The following USP9Y variants were observed in gnomAD, a reference collection of about 807,000 sequenced individuals.
USP9Y encodes the protein ubiquitin carboxyl-terminal hydrolase 9Y.
In USP9Y, 41 loss-of-function variants were observed where a neutral mutation model predicts 53.1. That is an observed-to-expected ratio of 0.77 (90% CI 0.60 to 1.00). The LOEUF is 1.00. Among genes scored for constraint, USP9Y ranks in the 50% least tolerant of loss-of-function variants. The pLI, the probability that USP9Y is intolerant of heterozygous loss-of-function variation, is 0.00. For synonymous variants in USP9Y, 220 were observed against 173.7 expected (o/e 1.27, Z -2.09); for missense variants, 567 against 535.8 (o/e 1.06, Z -0.58).
intron 33 of USP9Y, among the ~76,000 whole-genome samples, chrY:12,832,218 C>T (rs2053551420): frequency 3.0e-5 from 1 of 33,301 alleles, no homozygotes; most frequent in African/African-American, 1.2e-4. Context: ...AATGGTAGTA[C>T]AGCAGCCATC....
intron 42 of USP9Y, among the ~76,000 whole-genome samples, chrY:12,852,928 G>A (rs2148293271): frequency 1.8e-4 from 6 of 32,907 alleles, no homozygotes; most frequent in East Asian, 8.2e-4. Context: ...AGGGGCACCC[G>A]CCTATATGAG....
At chrY:12,751,057 G>A (rs2148283121) in intron 12 of USP9Y, among the ~76,000 whole-genome samples, 1 of 30,153 alleles carries the variant, frequency 3.3e-5, no homozygotes, top group South Asian at 7.6e-4. Context: ...GCCCAAGCTG[G>A]AGTGTAGTGG....
chrY:12,842,221 A>G lies in USP9Y; in HGVS notation c.6213-19A>G. On this transcript the variant is annotated intron_variant, in intron 37 of 45. Transcript: ENST00000338981. ...AACACATCACTAAAATTTGACGTTCATAGATGTTTCTGTTTTAGGTATGAT... is the reference window on the plus strand; with the variant it reads ...AACACATCACTAAAATTTGACGTTCGTAGATGTTTCTGTTTTAGGTATGAT... 2.6e-6 allele frequency: 1 copy of G among 391,471 alleles called. No homozygotes were observed. The highest frequency in any genetic ancestry group is 3.6e-6 in the Non-Finnish European group (1 of 276,929).
intron 3 of USP9Y, among the ~76,000 whole-genome samples, chrY:12,714,321 T>C (rs2053428704): frequency 3.1e-5 from 1 of 32,494 alleles, no homozygotes; most frequent in Non-Finnish European, 7.5e-5. Flanking sequence ...TGATCTATAC[T>C]GTATTACCTT....
At chrY:12,826,750 G>A (rs2148290671) in intron 33 of USP9Y, among the ~76,000 whole-genome samples, 1 of 28,147 alleles carries the variant, frequency 3.6e-5, no homozygotes, top group Non-Finnish European at 8.3e-5. Context: ...AAACTTTAGA[G>A]TAGTGCTAAA....
intron 19 of USP9Y, 80 bp from the exon 20 acceptor site, chrY:12,777,938 GT>G (rs1556160956): frequency 4.3e-6 from 1 of 233,316 alleles, no homozygotes; most frequent in South Asian, 4.6e-5. Flanking sequence ...AATTTTCAGG[GT>G]TTTTTTTAGC....
Position 12,757,261 on chromosome Y carries a change from G to C in USP9Y, c.1492G>C (p.Asp498His). 1 of 398,877 alleles carries C rather than the reference G, an allele frequency of 2.5e-6. No individual in the cohort carries two copies. The highest frequency in any genetic ancestry group is 3.0e-5 in the South Asian group (1 of 33,800). The change falls in exon 13 of 46, where the codon GAT becomes CAT. Residue 498 changes from aspartate (D) to histidine (H), a missense_variant. By Grantham distance (81) the Asp-to-His change is moderately conservative. Transcript: ENST00000338981. Reference protein sequence around the residue: ...LLELIRRLAEDDKDGVMAHKV... With the variant: ...LLELIRRLAEHDKDGVMAHKV... ...TGAGTTGATACGCCGTCTTGCAGAA[G>C]ATGATAAAGATGGTGTGATGGCACA...
At chrY:12,837,499 A>G (rs2053556069) in intron 34 of USP9Y, among the ~76,000 whole-genome samples, 1 of 33,674 alleles carries the variant, frequency 3.0e-5, no homozygotes, top group Non-Finnish European at 7.3e-5. Flanking sequence ...AGTGGGAGAC[A>G]GTAACAGATT....
chrY:12,824,330 A>G (rs945447803), intron 33 of USP9Y, among the ~76,000 whole-genome samples: 1 of 33,275 alleles, frequency 3.0e-5, no homozygotes, highest in Non-Finnish European at 7.4e-5. Context: ...AAGTACAAGT[A>G]AAACCTAGAG....
intron 44 of USP9Y, chrY:12,857,063 C>T: frequency 8.2e-6 from 1 of 122,371 alleles, no homozygotes; most frequent in Non-Finnish European, 1.5e-5. Context: ...AATCACATAC[C>T]TGAGAGAATT....
chrY:12,755,321 T>C, intron 12 of USP9Y, among the ~76,000 whole-genome samples: 1 of 31,060 alleles, frequency 3.2e-5, no homozygotes. Context: ...CCTGCCACCA[T>C]GCCCGGCTGA....
intron 12 of USP9Y, among the ~76,000 whole-genome samples, chrY:12,747,813 T>G: frequency 3.0e-5 from 1 of 33,772 alleles, no homozygotes; most frequent in South Asian, 6.6e-4. Context: ...AGCCAGAACC[T>G]TTCCTTGGAG....
chrY:12,728,765 C>T, intron 7 of USP9Y, among the ~76,000 whole-genome samples: 1 of 33,129 alleles, frequency 3.0e-5, no homozygotes, highest in Admixed American at 2.8e-4. Context: ...CTTAGTCAAA[C>T]TGGCTAGAGG....
chrY:12,764,785 A>G, intron 15 of USP9Y, among the ~76,000 whole-genome samples: 1 of 33,740 alleles, frequency 3.0e-5, no homozygotes, highest in Non-Finnish European at 7.4e-5. Context: ...TTATTGGTAC[A>G]CTTCATTAAG....
At chrY:12,807,598 G>A (rs2053526005) in intron 27 of USP9Y, among the ~76,000 whole-genome samples, 1 of 29,169 alleles carries the variant, frequency 3.4e-5, no homozygotes, top group African/African-American at 1.4e-4. Flanking sequence ...TCCTGACCTC[G>A]TGATCCACCT....
chrY:12,738,268 G>A lies in USP9Y; in HGVS notation c.1276G>A (p.Ala426Thr). The A allele has an allele frequency of 2.5e-6, 1 of 396,784 alleles. No individual in the cohort carries two copies. ...TCTTCGTTTTGTGATTAAAGAAAAG[G>A]CTCTTACATTACAGGACCTTGATAA... ...KILRFVIKEK[A>T]LTLQDLDNIW... The change falls in exon 11 of 46, where the codon GCT becomes ACT. Residue 426 changes from alanine (A) to threonine (T), a missense_variant. By Grantham distance (58) the Ala-to-Thr change is moderately conservative. Transcript: ENST00000338981.
Position 12,756,757 on chromosome Y carries a change from G to A in USP9Y, c.1423-435G>A. ...TTCATCATTTCTTTGTAAGTTGGAGGTTTTTGTTGTTTGGATTTTTTGGTC... is the reference window on the plus strand; with the variant it reads ...TTCATCATTTCTTTGTAAGTTGGAGATTTTTGTTGTTTGGATTTTTTGGTC... On this transcript the variant is annotated intron_variant, in intron 12 of 45. Transcript: ENST00000338981. Among the ~76,000 whole-genome samples, 3 of 33,461 alleles carry A rather than the reference G, an allele frequency of 9.0e-5. No homozygotes were observed. In the South Asian group the frequency reaches 2.0e-3, roughly 22 times the overall value. The allele number at this position is 33,461 out of a possible 37,273, so 89.8% of individuals were successfully genotyped here.
intron 27 of USP9Y, among the ~76,000 whole-genome samples, chrY:12,808,012 T>C: frequency 2.9e-5 from 1 of 34,003 alleles, no homozygotes; most frequent in African/African-American, 1.2e-4. Context: ...ACATTGAAGC[T>C]ATAGTTAAGC....
intron 10 of USP9Y, among the ~76,000 whole-genome samples, chrY:12,737,372 T>TAA (rs2053452808): frequency 2.9e-5 from 1 of 34,040 alleles, no homozygotes; most frequent in Non-Finnish European, 7.3e-5. Context: ...ACCAAAGTAT[T>TAA]AAAAAGTCTT....
Sources: gnomAD v4.1 joint callset for allele counts (sites outside exome capture counted in the v4.1 genomes callset) on GRCh38, gnomAD v4.1.1 for gene constraint, MANE v1.5 for transcripts, NCBI Gene and HGNC (gene_info 2026-07-23, HGNC 2026-07-21) for gene names.